DNPEP: variants seen among roughly 807,000 people sequenced by gnomAD.
DNPEP encodes aspartyl aminopeptidase.
DNPEP carries 46 observed loss-of-function variants against 59.1 expected under a neutral mutation model. The ratio of observed to expected loss-of-function variants is 0.78; its 90% CI spans 0.61 to 0.99. DNPEP has a LOEUF of 0.99. Among genes scored for constraint, DNPEP ranks in the 50% least tolerant of loss-of-function variants. The probability of loss-of-function intolerance (pLI) is 0.00; values close to 1 mark genes in which losing one functional copy is unlikely to be tolerated. For missense variants in DNPEP, 617 were observed against 649.9 expected, an observed-to-expected ratio of 0.95 and a Z score of 0.55; for synonymous variants, 229 against 242.2, an observed-to-expected ratio of 0.95 and a Z score of 0.50.
chr2:219,388,581 G>A, upstream of DNPEP: 1 of 508,158 alleles, frequency 2.0e-6, no homozygotes. Context: ...CCCACGCCGC[G>A]CGACCCGCAG....
upstream of DNPEP, chr2:219,388,602 G>C: frequency 5.6e-6 from 4 of 720,648 alleles, no homozygotes; most frequent in Non-Finnish European, 6.8e-6. Flanking sequence ...CCGCCGCCAG[G>C]GCCCTCTGCT....
rs764702484 is a variant in DNPEP at position 219,381,562 on chromosome 2, G to A, written c.1120C>T (p.Arg374Trp). Reference sequence around the variant, plus strand: ...CGTCTCACCTTGTGGAATAAAGGCCGGTGGTTCTCCTCATGCTTGTCCCTG... The same window carrying A: ...CGTCTCACCTTGTGGAATAAAGGCCAGTGGTTCTCCTCATGCTTGTCCCTG... ...NYLDKHEENH[R>W]PLFHKGPVIK... The change falls in exon 12 of 15, where the codon CGG (arginine) becomes TGG (tryptophan). Residue 374 changes from arginine (R) to tryptophan (W), a missense_variant. Coordinates refer to ENST00000273075, the MANE Select transcript of DNPEP (RefSeq NM_012100.4). 12 of 1,614,016 alleles carry A rather than the reference G, an allele frequency of 7.4e-6. No individual in the cohort carries two copies. The highest frequency in any genetic ancestry group is 1.6e-4 in the Middle Eastern group (1 of 6,084).
chr2:219,374,829 C>G, intron 14 of DNPEP, 26 bp downstream of exon 14: 1 of 1,603,030 alleles, frequency 6.2e-7, no homozygotes, highest in Non-Finnish European at 8.5e-7. Context: ...GCCCAGCTGC[C>G]AGAGAGGGTC....
rs576374733 is a variant in DNPEP, at chr2:219,399,587, C to A, written c.-158+353G>T. The A allele has an allele frequency of 3.2e-5, 20 of 628,600 alleles. No individual in the cohort carries two copies. The Admixed American group carries it at 3.6e-4, about 11-fold the overall frequency. The allele number at this position is 628,600 out of a possible 1,614,324, so 38.9% of individuals were successfully genotyped here. ...ACACTTGTGCCGATGGGTGGGCTGC[C>A]CTTGAACTCAGTTGTTGGGCAACGT... On this transcript the variant is annotated intron_variant, in intron 1 of 6. Transcript: ENST00000434339.
Position 219,386,128 on chromosome 2 carries a change from G to A in DNPEP, c.460-30C>T, listed in dbSNP as rs368785510. The stretch of plus-strand genomic sequence containing the variant: ...AGCCAGCCAGGCCAGGTCAGCCCAG[G>A]GTGCCTCCTACCCCAGTGGTCAGTC... On this transcript the variant is annotated intron_variant, in intron 5 of 14. Coordinates refer to ENST00000273075, the MANE Select transcript of DNPEP (RefSeq NM_012100.4). The A allele has an allele frequency of 9.3e-6, 15 of 1,612,940 alleles. No homozygotes were observed. In the African/African-American group the frequency reaches 9.3e-5, roughly 10 times the overall value.
Position 219,394,513 on chromosome 2 carries a change from C to T in DNPEP, c.-158+5427G>A, listed in dbSNP as rs142726774. Among the ~76,000 whole-genome samples, 971 of 151,998 alleles carry T rather than the reference C, an allele frequency of 6.4e-3. 32 individuals carry two copies. Among genetic ancestry groups the T allele is most frequent in the Admixed American group, 0.047 (722 of 15,274 alleles). ...GCTGGCCTCCAACTTTGACCTCAAG[C>T]GATACTCTTACCTGGGGCTCCCAAA... On this transcript the variant is annotated intron_variant, in intron 1 of 6. Coordinates refer to the DNPEP transcript ENST00000434339.
chr2:219,385,885 G>T, intron 6 of DNPEP, 83 bp downstream of exon 6: 1 of 1,553,088 alleles, frequency 6.4e-7, no homozygotes. Flanking sequence ...AGTAAAATGT[G>T]ACCTAATGGC....
chr2:219,386,996 C>CCT lies in DNPEP; in HGVS notation c.131-18_131-17dup, dbSNP rs1301975535. 1 of 1,613,852 alleles carries CCT rather than the reference C, an allele frequency of 6.2e-7. No individual in the cohort carries two copies. The highest frequency in any genetic ancestry group is 1.3e-5 in the African/African-American group (1 of 74,890). ...TCAGCCACAGCTGTGGGAAAAGCAC[C>CCT]CTCTCACAGCGATGGAAGCTGGTGA... On this transcript the variant is annotated splice_polypyrimidine_tract_variant and intron_variant, in intron 2 of 14. Coordinates refer to ENST00000273075, the MANE Select transcript of DNPEP (RefSeq NM_012100.4).
chr2:219,391,594 T>A (rs977759036), upstream of DNPEP, among the ~76,000 whole-genome samples: 1 of 152,226 alleles, frequency 6.6e-6, no homozygotes, highest in African/African-American at 2.4e-5. Flanking sequence ...TTGCTGTGTT[T>A]AACAACAAGC....
intron 12 of DNPEP, 34 bp downstream of exon 12, chr2:219,381,511 C>T (rs1407774514): frequency 6.2e-7 from 1 of 1,614,022 alleles, no homozygotes; most frequent in Non-Finnish European, 8.5e-7. Flanking sequence ...ACAGCCAGAC[C>T]TCCAAGTCCC....
chr2:219,395,901 G>A (rs1954089076), intron 1 of DNPEP, among the ~76,000 whole-genome samples: 1 of 152,222 alleles, frequency 6.6e-6, no homozygotes, highest in African/African-American at 2.4e-5. Flanking sequence ...GCAATCCTCA[G>A]TGCCTGGCAG....
intron 1 of DNPEP, among the ~76,000 whole-genome samples, chr2:219,395,084 G>T (rs994183765): frequency 6.6e-6 from 1 of 151,912 alleles, no homozygotes; most frequent in Non-Finnish European, 1.5e-5. Context: ...GCCTCCTGAG[G>T]ATTACAGACA....
At chr2:219,386,255 A>C (rs1320545062) in intron 5 of DNPEP, 31 bp downstream of exon 5, 1 of 1,613,872 alleles carries the variant, frequency 6.2e-7, no homozygotes, top group Non-Finnish European at 8.5e-7. Flanking sequence ...TCTTCTGAGG[A>C]GGCTCCGCCA....
intron 8 of DNPEP, 137 bp downstream of exon 8, chr2:219,385,287 G>T: frequency 4.9e-6 from 3 of 615,158 alleles, no homozygotes; most frequent in Non-Finnish European, 3.0e-6. Flanking sequence ...AGCAGTGGGG[G>T]ATGTGTCTAC....
chr2:219,384,488 C>G (rs367618988), intron 8 of DNPEP, 45 bp from the exon 9 acceptor site: 5 of 1,534,388 alleles, frequency 3.3e-6, no homozygotes, highest in African/African-American at 1.4e-5. Context: ...CCTCCACCCC[C>G]ACTCACCTTT....
rs144558581 is a variant in DNPEP, at chr2:219,386,548, G to A, written c.333+117C>T. 2.6e-3 allele frequency: 3,770 copies of A among 1,454,062 alleles called. 8 individuals are homozygous for A. Among genetic ancestry groups the A allele is most frequent in the Non-Finnish European group, 3.3e-3 (3,453 of 1,060,124 alleles). The allele number at this position is 1,454,062 out of a possible 1,614,324, so 90.1% of individuals were successfully genotyped here. A position where few individuals can be genotyped will look rare whatever the true frequency, so the allele number is the denominator to read the frequency against. Reference sequence around the variant, plus strand: ...AAGGTGTGAAGGAAGGGGCCAACAAGTTTACCTTCTCCCTTACTCCAGGGG... The same window carrying A: ...AAGGTGTGAAGGAAGGGGCCAACAAATTTACCTTCTCCCTTACTCCAGGGG... On this transcript the variant is annotated intron_variant, in intron 4 of 14. Transcript: ENST00000273075.
At chr2:219,374,755 A>G in intron 14 of DNPEP, 100 bp downstream of exon 14, 1 of 1,391,168 alleles carries the variant, frequency 7.2e-7, no homozygotes, top group Non-Finnish European at 9.9e-7. Context: ...CCCATTACTC[A>G]GGCCAGTCAC....
At chr2:219,385,288 A>G in intron 8 of DNPEP, 136 bp downstream of exon 8, 1 of 611,802 alleles carries the variant, frequency 1.6e-6, no homozygotes, top group Non-Finnish European at 3.0e-6. Flanking sequence ...GCAGTGGGGG[A>G]TGTGTCTACT....
At position 219,374,460 on chromosome 2, in the gene DNPEP, C is replaced by T. The variant is rs77753606; in HGVS notation, c.1408-118G>A. Reference sequence around the variant, plus strand: ...GAGAAGCACCGAGGTTTCATCTGTTCTTGACAGCCACCCCAGTCTTCTCAG... The same window carrying T: ...GAGAAGCACCGAGGTTTCATCTGTTTTTGACAGCCACCCCAGTCTTCTCAG... On this transcript the variant is annotated intron_variant, in intron 14 of 14. Coordinates refer to ENST00000273075, the MANE Select transcript of DNPEP (RefSeq NM_012100.4). 7.4e-3 allele frequency: 6,761 copies of T among 914,560 alleles called. 257 individuals are homozygous for T. In the African/African-American group the frequency reaches 0.089, roughly 12 times the overall value. 56.7% of individuals were successfully genotyped at this position (914,560 alleles called of 1,614,324 possible).
Sources: gnomAD v4.1 joint callset for allele counts (sites outside exome capture counted in the v4.1 genomes callset) on GRCh38, gnomAD v4.1.1 for gene constraint, MANE v1.5 for transcripts, NCBI Gene and HGNC (gene_info 2026-07-23, HGNC 2026-07-21) for gene names.